Variants in HHAT observed in about 807,000 individuals in gnomAD.
HHAT encodes the protein protein-cysteine N-palmitoyltransferase HHAT.
A neutral mutation model predicts 70.8 loss-of-function variants in HHAT; 47 were observed. That is an observed-to-expected ratio of 0.66 (90% CI 0.53 to 0.85). HHAT has a LOEUF of 0.85. Among genes scored for constraint, HHAT ranks in the 40% least tolerant of loss-of-function variants. The probability of loss-of-function intolerance (pLI) is 0.00; values close to 1 mark genes in which losing one functional copy is unlikely to be tolerated. For synonymous variants in HHAT, 228 were observed against 247.6 expected (o/e 0.92, Z 0.74); for missense variants, 609 against 604.8 (o/e 1.01, Z -0.07).
rs76491451 is a variant in HHAT, at chr1:210,485,184, A to T, written c.1007+20529A>T. ...GCTCAGGCCTCCCCTTCCCCCATGC[A>T]GGAGTGGGCTCAAGACCTAGATGGG... On this transcript the variant is annotated intron_variant, in intron 8 of 11. Coordinates refer to ENST00000261458, the MANE Select transcript of HHAT (RefSeq NM_018194.6). Among the ~76,000 whole-genome samples the T allele has an allele frequency of 4.3e-4, 65 of 152,270 alleles. 2 individuals are homozygous for T. The East Asian group carries it at 0.012, about 28-fold the overall frequency.
At chr1:210,420,960 A>G (rs2092884042) in intron 7 of HHAT, among the ~76,000 whole-genome samples, 1 of 152,212 alleles carries the variant, frequency 6.6e-6, no homozygotes, top group Non-Finnish European at 1.5e-5. Context: ...ATTTGTTCAG[A>G]TTTATAAGAA....
intron 8 of HHAT, among the ~76,000 whole-genome samples, chr1:210,510,887 T>G (rs542385886): frequency 1.4e-4 from 21 of 152,342 alleles, no homozygotes; most frequent in African/African-American, 4.6e-4. Flanking sequence ...CATGTCTGCT[T>G]TGTCCTGTGA....
chr1:210,482,808 T>G (rs1413096814), intron 8 of HHAT, among the ~76,000 whole-genome samples: 2 of 152,184 alleles, frequency 1.3e-5, no homozygotes, highest in Non-Finnish European at 2.9e-5. Context: ...TGATACCTCT[T>G]TAAGATTTAA....
chr1:210,606,840 ATAT>A (rs1386321058), intron 10 of HHAT, among the ~76,000 whole-genome samples: 1 of 152,142 alleles, frequency 6.6e-6, no homozygotes, highest in African/African-American at 2.4e-5. Flanking sequence ...AATTTTGAAG[ATAT>A]TATCTGTCTT....
chr1:210,574,073 C>T (rs1312992782), intron 9 of HHAT, among the ~76,000 whole-genome samples: 1 of 152,144 alleles, frequency 6.6e-6, no homozygotes, highest in African/African-American at 2.4e-5. Context: ...GGTGAGGAAT[C>T]CTGCATGCTG....
chr1:210,444,940 A>G (rs915788464), intron 7 of HHAT, among the ~76,000 whole-genome samples: 4 of 152,144 alleles, frequency 2.6e-5, no homozygotes, highest in African/African-American at 9.7e-5. Context: ...CCTGGGTTCA[A>G]GCGATTCTCC....
chr1:210,418,426 A>G, intron 7 of HHAT, 101 bp downstream of exon 7: 2 of 1,024,846 alleles, frequency 2.0e-6, no homozygotes, highest in Admixed American at 2.7e-5. Context: ...GCAGGTGCCT[A>G]TAGCAAACCC....
At position 210,573,637 on chromosome 1, in the gene HHAT, C is replaced by T. The variant is rs116886376; in HGVS notation, c.1044-14261C>T. ...TTGTGGTTAAATCTCCCTTTTCTTT[C>T]GGTAGTTCCAGCAGCTTTCTAGGAG... is the stretch of plus-strand genomic sequence containing the variant. On this transcript the variant is annotated intron_variant, in intron 9 of 11. Coordinates refer to ENST00000261458, the MANE Select transcript of HHAT (RefSeq NM_018194.6). 5.7e-3 allele frequency among the ~76,000 whole-genome samples: 867 copies of T among 152,248 alleles called. 52 individuals carry two copies. In the East Asian group the frequency reaches 0.12, roughly 21 times the overall value.
chr1:210,358,121 G>C (rs1020594005), intron 2 of HHAT, among the ~76,000 whole-genome samples: 3 of 152,218 alleles, frequency 2.0e-5, no homozygotes, highest in Admixed American at 2.0e-4. Flanking sequence ...CCTAGTGTTA[G>C]ACTCCACAGC....
chr1:210,565,734 G>T (rs1385843315), intron 9 of HHAT, among the ~76,000 whole-genome samples: 1 of 152,152 alleles, frequency 6.6e-6, no homozygotes, highest in Non-Finnish European at 1.5e-5. Flanking sequence ...GTTGGTATTT[G>T]CTCTGTGTTT....
At chr1:210,669,135 C>T (rs1305544567) in intron 11 of HHAT, among the ~76,000 whole-genome samples, 1 of 152,186 alleles carries the variant, frequency 6.6e-6, no homozygotes, top group Non-Finnish European at 1.5e-5. Context: ...TATCCTTTCT[C>T]TTTTCAGAAA....
intron 7 of HHAT, among the ~76,000 whole-genome samples, chr1:210,441,783 T>A (rs1347302629): frequency 6.6e-6 from 1 of 151,848 alleles, no homozygotes; most frequent in African/African-American, 2.4e-5. Context: ...AATATATATA[T>A]AAACAGATAT....
intron 7 of HHAT, among the ~76,000 whole-genome samples, chr1:210,451,121 A>T (rs2148397462): frequency 6.7e-6 from 1 of 149,614 alleles, no homozygotes; most frequent in East Asian, 2.0e-4. Context: ...TGTTTGTAGC[A>T]CTATTTGTGG....
intron 9 of HHAT, among the ~76,000 whole-genome samples, chr1:210,543,589 G>A (rs1328321580): frequency 6.6e-6 from 1 of 152,058 alleles, no homozygotes; most frequent in Non-Finnish European, 1.5e-5. Context: ...GTGAGACCCT[G>A]CCTCAACCCT....
chr1:210,363,171 T>A (rs529649644), intron 3 of HHAT, among the ~76,000 whole-genome samples: 19 of 152,290 alleles, frequency 1.2e-4, no homozygotes, highest in Non-Finnish European at 5.9e-5. Context: ...GTTTTCACTT[T>A]TGTAAAGCTC....
chr1:210,430,298 C>T (rs1558501896), intron 7 of HHAT, among the ~76,000 whole-genome samples: 1 of 151,754 alleles, frequency 6.6e-6, no homozygotes, highest in Non-Finnish European at 1.5e-5. Context: ...GCCAAATCTT[C>T]AAAGCAGCCT....
intron 10 of HHAT, among the ~76,000 whole-genome samples, chr1:210,593,024 C>T (rs1050190903): frequency 6.6e-6 from 1 of 152,100 alleles, no homozygotes; most frequent in African/African-American, 2.4e-5. Context: ...TGCTATCCCT[C>T]CCCGCTTCCC....
At chr1:210,386,049 C>A (rs866524486) in intron 3 of HHAT, among the ~76,000 whole-genome samples, 5 of 151,798 alleles carry the variant, frequency 3.3e-5, no homozygotes, top group Non-Finnish European at 7.4e-5. Context: ...ATGTATCTTA[C>A]CTTCTGCAAA....
At chr1:210,383,248 G>T (rs1009678822) in intron 3 of HHAT, among the ~76,000 whole-genome samples, 1 of 152,194 alleles carries the variant, frequency 6.6e-6, no homozygotes, top group Non-Finnish European at 1.5e-5. Context: ...GCTGAGGCAC[G>T]AGAATCACTT....
Sources: allele counts gnomAD v4.1 joint callset (sites outside exome capture counted in the v4.1 genomes callset), GRCh38; gene constraint gnomAD v4.1.1; transcripts MANE v1.5; gene names NCBI Gene and HGNC (gene_info 2026-07-23, HGNC 2026-07-21).